Variants in PNPLA6 observed in about 807,000 individuals in gnomAD.
PNPLA6 encodes patatin like domain 6, lysophospholipase, also known as patatin-like phospholipase domain-containing protein 6.
In PNPLA6, 105 loss-of-function variants were observed where a neutral mutation model predicts 153.7. That is an observed-to-expected ratio of 0.68 (90% CI 0.58 to 0.80). PNPLA6 has a LOEUF of 0.80. Ranked by LOEUF, PNPLA6 falls within the 30% of genes least tolerant of loss-of-function variation. PNPLA6 has a pLI of 0.00. For missense variants in PNPLA6, 1,423 were observed against 1,919.3 expected (o/e 0.74, Z 4.83); for synonymous variants, 825 against 822.2 (o/e 1.00, Z -0.06).
At chr19:7,557,783 CA>C (rs1555751198) in intron 27 of PNPLA6, among the ~76,000 whole-genome samples, 85 of 110,518 alleles carry the variant, frequency 7.7e-4, no homozygotes, top group Admixed American at 1.0e-3. Flanking sequence ...GACTCAGTCT[CA>C]AAAAAAAAAA....
At chr19:7,548,775 T>C (rs562457545) in intron 13 of PNPLA6, among the ~76,000 whole-genome samples, 166 of 150,396 alleles carry the variant, frequency 1.1e-3, no homozygotes, top group Admixed American at 3.4e-3. Context: ...TGCTCATCTA[T>C]ATATAATCTA....
In PNPLA6 at chr19:7,560,235, T is replaced by C. The variant is rs181335401; in HGVS notation, c.3700-413T>C. Among the ~76,000 whole-genome samples the C allele has an allele frequency of 7.1e-3, 1,078 of 152,004 alleles. 2 individuals are homozygous for C. Among genetic ancestry groups the C allele is most frequent in the Non-Finnish European group, 0.011 (732 of 67,800 alleles). On this transcript the variant is annotated intron_variant, in intron 28 of 31. Transcript: ENST00000600737. ...ATCAGTAGCTGCAGCCCAGAAGCCC[T>C]GAGTCTGAGAAGAGATGTGTGATGT...
intron 28 of PNPLA6, 169 bp from the exon 29 acceptor site, chr19:7,560,477 CAG>C (rs759020628): frequency 6.0e-5 from 41 of 681,934 alleles, no homozygotes; most frequent in Non-Finnish European, 9.4e-5. Context: ...AAGGGCAGGA[CAG>C]GGGATGTGTA....
chr19:7,556,195 TGG>T (rs1180459261), intron 24 of PNPLA6, among the ~76,000 whole-genome samples: 1 of 150,882 alleles, frequency 6.6e-6, no homozygotes, highest in African/African-American at 2.4e-5. Context: ...CATGAGTAGC[TGG>T]GATTACAGGC....
At position 7,542,783 on chromosome 19, in the gene PNPLA6, A is replaced by G. The variant is rs1367478926; in HGVS notation, c.1385A>G (p.Glu462Gly). Residue 462 changes from glutamate to glycine, a missense_variant, in exon 12 of 32, where the codon GAG (glutamate) becomes GGG (glycine). Physicochemically the swap from Glu to Gly is moderately conservative, Grantham distance 98. Transcript: ENST00000600737. The part of the protein sequence containing the change: ...PARTPTQEPR[E>G]QPAGACEYSY... ...CAGACCCCCACTCAGGAGCCTCGTG[A>G]GCAGCCGGCAGGCGCCTGTGAATAC... The G allele has an allele frequency of 6.2e-7, 1 of 1,613,010 alleles. No individual in the cohort carries two copies. Among genetic ancestry groups the G allele is most frequent in the South Asian group, 1.1e-5 (1 of 91,090 alleles).
rs1330163705 is a variant in PNPLA6 at position 7,551,110 on chromosome 19, G to T, written c.2184+3G>T. The T allele has an allele frequency of 1.9e-6, 3 of 1,538,612 alleles. No homozygotes were observed. Among genetic ancestry groups the T allele is most frequent in the Admixed American group, 3.9e-5 (2 of 50,942 alleles). On this transcript the variant is annotated splice_donor_region_variant and intron_variant, in intron 17 of 31. Transcript: ENST00000600737. ...ACATCAAACGCCGGTACCCGCAGGT[G>T]CGGCCTGTTGTGGGCGGGGCAGAGA...
intron 13 of PNPLA6, 144 bp from the exon 14 acceptor site, chr19:7,549,763 A>C: frequency 1.3e-6 from 1 of 789,410 alleles, no homozygotes; most frequent in Non-Finnish European, 2.1e-6. Flanking sequence ...CTGGGATTAC[A>C]GCCGTGAGCC....
Position 7,551,196 on chromosome 19 carries a change from A to AGG in PNPLA6, c.2184+92_2184+93dup, listed in dbSNP as rs896385775. The AGG allele has an allele frequency of 3.1e-4, 35 of 112,926 alleles. No individual in the cohort carries two copies. The African/African-American group carries it at 4.0e-3, about 13-fold the overall frequency. The allele number at this position is 112,926 out of a possible 1,614,324, so 7.0% of individuals were successfully genotyped here. ...CCTAGTGTGTGGGCGGGGCTTACAG[A>AGG]GGGGCGGGGTCGAGGGAGGGGCCGA... On this transcript the variant is annotated intron_variant, in intron 17 of 31. Transcript: ENST00000600737.
In PNPLA6 at chr19:7,550,621, G is replaced by T. The variant is rs776290979; in HGVS notation, c.2051G>T (p.Arg684Leu). 3 of 1,611,694 alleles carry T rather than the reference G, an allele frequency of 1.9e-6. No individual in the cohort carries two copies. The highest frequency in any genetic ancestry group is 2.2e-5 in the South Asian group (2 of 90,958). The part of the protein sequence containing the change: ...GKKELVGEYG[R>L]GDLIGVVEAL... ...AAGGAGCTGGTGGGCGAGTACGGCC[G>T]CGGCGACCTCATCGGCGTGGTGAGC... Residue 684 changes from arginine to leucine, a missense_variant, in exon 16 of 32, where the codon CGC (arginine) becomes CTC (leucine). Transcript: ENST00000600737.
Position 7,557,179 on chromosome 19 carries a change from C to T in PNPLA6, c.3292C>T (p.Arg1098Trp), listed in dbSNP as rs1405021041. 4.3e-6 allele frequency: 7 copies of T among 1,611,712 alleles called. No individual in the cohort carries two copies. The highest frequency in any genetic ancestry group is 5.9e-6 in the Non-Finnish European group (7 of 1,178,940). Reference sequence around the variant, plus strand: ...GTCCCACCGCGCAGGCTCCCTGTGGCGGTACGTGCGCGCCAGCATGACGCT... The same window carrying T: ...GTCCCACCGCGCAGGCTCCCTGTGGTGGTACGTGCGCGCCAGCATGACGCT... The part of the protein sequence containing the change: ...MRVHKDGSLW[R>W]YVRASMTLSG... The change falls in exon 27 of 32, where the codon CGG (arginine) becomes TGG (tryptophan). Residue 1098 changes from arginine (R) to tryptophan (W), a missense_variant. Transcript: ENST00000600737.
At chr19:7,551,566 G>A (rs757404499) in intron 18 of PNPLA6, 129 bp downstream of exon 18, 28 of 807,000 alleles carry the variant, frequency 3.5e-5, no homozygotes, top group African/African-American at 5.1e-5. Context: ...GCCCCTGAGG[G>A]TTTCAAACCC....
chr19:7,555,379 G>T lies in PNPLA6; in HGVS notation c.2936+12G>T. ...GGGGGCGGGGCCAGGTGAGGGCGGGGCTTGCTCTCTGGGGGCGGGGCCTGG... is the reference window on the plus strand; with the variant it reads ...GGGGGCGGGGCCAGGTGAGGGCGGGTCTTGCTCTCTGGGGGCGGGGCCTGG... On this transcript the variant is annotated intron_variant, in intron 23 of 31. Coordinates refer to ENST00000600737, the MANE Select transcript of PNPLA6 (RefSeq NM_001166114.2). The surrounding 1 kb of genome is among the most constrained non-coding windows in gnomAD (Gnocchi z 6.3). The T allele has an allele frequency of 6.6e-7, 1 of 1,510,592 alleles. No homozygotes were observed. The allele number at this position is 1,510,592 out of a possible 1,614,324, so 93.6% of individuals were successfully genotyped here.
In PNPLA6 at chr19:7,560,686, C is replaced by A; in HGVS notation, c.3738C>A (p.Gly1246=). The change falls in exon 29 of 32, where the codon GGC becomes GGA. Residue 1246 remains glycine, a synonymous_variant. Coordinates refer to ENST00000600737, the MANE Select transcript of PNPLA6 (RefSeq NM_001166114.2). ...AGTACGGGAAGGCGGTGTTTGGAGG[C>A]TGGAGCCGTGGCAACGTCATTGAGA... is the stretch of plus-strand genomic sequence containing the variant. ...GYQYGKAVFG[G]WSRGNVIEKM... 1.9e-6 allele frequency: 3 copies of A among 1,613,932 alleles called. No homozygotes were observed. Among genetic ancestry groups the A allele is most frequent in the Non-Finnish European group, 2.5e-6 (3 of 1,179,838 alleles).
rs1384010141 is a variant in PNPLA6, at chr19:7,551,011, G to A, written c.2088G>A (p.Arg696=). 6.5e-6 allele frequency: 10 copies of A among 1,545,898 alleles called. 2 individuals are homozygous for A. The South Asian group carries it at 9.5e-5, about 15-fold the overall frequency. The stretch of plus-strand genomic sequence containing the variant: ...CCCCCCAGGTGGAGGCACTGACCCG[G>A]CAGCCGCGAGCCACGACGGTGCACG... ...DLIGVVEALT[R]QPRATTVHAV... The change falls in exon 17 of 32, where the codon CGG becomes CGA. Residue 696 remains arginine, a synonymous_variant. Transcript: ENST00000600737.
chr19:7,559,215 C>T, intron 28 of PNPLA6, 64 bp downstream of exon 28: 1 of 1,412,654 alleles, frequency 7.1e-7, no homozygotes, highest in South Asian at 1.2e-5. Flanking sequence ...CTACTTAAAG[C>T]CCAGAGTGGT....
intron 13 of PNPLA6, among the ~76,000 whole-genome samples, chr19:7,545,520 C>G (rs1199915468): frequency 6.6e-6 from 1 of 152,120 alleles, no homozygotes; most frequent in Admixed American, 6.6e-5. Flanking sequence ...AGGGATGGAA[C>G]AGGAAGGTTT....
chr19:7,535,453 G>A (rs2022806501), upstream of PNPLA6: 1 of 1,241,742 alleles, frequency 8.1e-7, no homozygotes, highest in Non-Finnish European at 1.2e-6. This position sits in a 1 kb window ranked among gnomAD's most constrained non-coding sequence, Gnocchi z 5.0. Flanking sequence ...AGGCAGGGGA[G>A]AGGTGGGCCC....
In PNPLA6 at chr19:7,555,571, G is replaced by A. The variant is rs2023842947; in HGVS notation, c.2937-36G>A. The A allele has an allele frequency of 6.2e-7, 1 of 1,607,774 alleles. No homozygotes were observed. The highest frequency in any genetic ancestry group is 1.7e-5 in the Admixed American group (1 of 59,710). On this transcript the variant is annotated intron_variant, in intron 23 of 31. Transcript: ENST00000600737. The surrounding 1 kb of genome is among the most constrained non-coding windows in gnomAD (Gnocchi z 6.3). ...GGGGCAGGGGAGTTCCTGCAGGTGG[G>A]GCCTAGCGGGTCACTGGGGCCCATT...
chr19:7,540,821 C>G lies in PNPLA6; in HGVS notation c.796-102C>G. The G allele has an allele frequency of 6.4e-7, 1 of 1,565,426 alleles. No homozygotes were observed. Among genetic ancestry groups the G allele is most frequent in the Non-Finnish European group, 8.8e-7 (1 of 1,136,344 alleles). ...ATCTCTGGTTCATCCGTTATGCTGC[C>G]GATGGCCCCTCACGGGACTGGCGCC... On this transcript the variant is annotated intron_variant, in intron 6 of 31. Transcript: ENST00000600737. The surrounding 1 kb of genome is among the most constrained non-coding windows in gnomAD (Gnocchi z 6.8).
Sources: allele counts gnomAD v4.1 joint callset (sites outside exome capture counted in the v4.1 genomes callset), GRCh38; gene constraint gnomAD v4.1.1; non-coding constraint Gnocchi (gnomAD v3.1); transcripts MANE v1.5; gene names NCBI Gene and HGNC (gene_info 2026-07-23, HGNC 2026-07-21).